The following ZNF407 variants were observed in gnomAD, a reference collection of about 807,000 sequenced individuals.
ZNF407 encodes zinc finger protein 407.
Under a neutral mutation model 131.2 loss-of-function variants are expected in ZNF407, and 17 were observed. The observed-to-expected ratio is 0.13, with a 90% CI of 0.09 to 0.19. ZNF407 has a LOEUF of 0.19. Among genes scored for constraint, ZNF407 ranks in the 10% least tolerant of loss-of-function variants. The probability of loss-of-function intolerance (pLI) is 1.00; values close to 1 mark genes in which losing one functional copy is unlikely to be tolerated. For missense variants in ZNF407, 2,681 were observed against 2,830.6 expected (o/e 0.95, Z 1.20); for synonymous variants, 1,156 against 1,062.0 (o/e 1.09, Z -1.72).
chr18:74,741,717 G>GAT (rs1179689773), intron 3 of ZNF407, among the ~76,000 whole-genome samples: 1 of 152,098 alleles, frequency 6.6e-6, no homozygotes, highest in Non-Finnish European at 1.5e-5. Flanking sequence ...TTGGTTGTCA[G>GAT]ATATACATAC....
chr18:74,700,868 T>A (rs1967476417), intron 3 of ZNF407, among the ~76,000 whole-genome samples: 1 of 152,234 alleles, frequency 6.6e-6, no homozygotes, highest in Non-Finnish European at 1.5e-5. Flanking sequence ...GCGTATTTAT[T>A]AGTATTCCGG....
intron 4 of ZNF407, among the ~76,000 whole-genome samples, chr18:74,867,421 A>G (rs546322425): frequency 2.6e-5 from 4 of 152,352 alleles, no homozygotes; most frequent in South Asian, 4.1e-4. Context: ...GATGTGGACT[A>G]TAATGCAAAA....
intron 3 of ZNF407, among the ~76,000 whole-genome samples, chr18:74,767,400 C>G (rs1290622835): frequency 6.6e-6 from 1 of 152,038 alleles, no homozygotes; most frequent in Non-Finnish European, 1.5e-5. Flanking sequence ...TTTTCATATA[C>G]CTGCTGAATA....
rs550722986 is a variant in ZNF407, at chr18:74,606,606, C to T, written c.-54+8669C>T. 9.7e-4 allele frequency among the ~76,000 whole-genome samples: 147 copies of T among 152,224 alleles called. 1 individual carries two copies. The highest frequency in any genetic ancestry group is 3.4e-3 in the African/African-American group (142 of 41,540). On this transcript the variant is annotated intron_variant, in intron 1 of 8. Transcript: ENST00000299687. ...TGTTTTATTTCTTGTGATGTCATCA[C>T]ACATATTCTTTATGTGACGACACAG...
chr18:74,936,264 G>C (rs1972038845), intron 8 of ZNF407, among the ~76,000 whole-genome samples: 1 of 152,014 alleles, frequency 6.6e-6, no homozygotes, highest in Non-Finnish European at 1.5e-5. Context: ...TTATCTTCTA[G>C]GCATTAAGAT....
At chr18:74,672,580 CACTGTTTG>C (rs1986194379) in intron 3 of ZNF407, among the ~76,000 whole-genome samples, 1 of 150,850 alleles carries the variant, frequency 6.6e-6, no homozygotes, top group Non-Finnish European at 1.5e-5. Context: ...TTCATTGGAG[CACTGTTTG>C]TCTGTTTGTT....
Position 74,634,095 on chromosome 18 carries a change from G to GCTCACTCCT in ZNF407, c.3079_3087dup (p.His1027_Ser1029dup), listed in dbSNP as rs753842748. ...TAAGTGTTTGCACTGTGAGTTTAGT[G>GCTCACTCCT]CTCACTCCTCTGCTTCTCTAGAGCT... On this transcript the variant is annotated inframe_insertion, in exon 2 of 9. Coordinates refer to ENST00000299687, the MANE Select transcript of ZNF407 (RefSeq NM_017757.3). 6 of 1,614,030 alleles carry GCTCACTCCT rather than the reference G, an allele frequency of 3.7e-6. No homozygotes were observed. The South Asian group carries it at 6.6e-5, about 18-fold the overall frequency.
chr18:74,832,591 C>G (rs1006458360), intron 4 of ZNF407, among the ~76,000 whole-genome samples: 2 of 151,978 alleles, frequency 1.3e-5, no homozygotes, highest in African/African-American at 4.8e-5. Context: ...AGCCACCACA[C>G]CCACTTTAAG....
chr18:74,740,723 C>G (rs568517536), intron 3 of ZNF407, among the ~76,000 whole-genome samples: 4 of 152,184 alleles, frequency 2.6e-5, no homozygotes, highest in Admixed American at 2.0e-4. Context: ...AAGTATCTTC[C>G]CTTGTATGGA....
intron 7 of ZNF407, among the ~76,000 whole-genome samples, chr18:74,903,509 G>GT (rs1490298886): frequency 6.6e-6 from 1 of 150,950 alleles, no homozygotes; most frequent in Non-Finnish European, 1.5e-5. Context: ...TTGGAGGTTG[G>GT]TTAGGCTCCC....
intron 3 of ZNF407, among the ~76,000 whole-genome samples, chr18:74,661,069 T>G (rs1377485861): frequency 6.6e-6 from 1 of 152,150 alleles, no homozygotes; most frequent in Non-Finnish European, 1.5e-5. Flanking sequence ...CGATTTTCTT[T>G]GAGATAAGAG....
At chr18:74,849,095 TG>T (rs1204610164) in intron 4 of ZNF407, among the ~76,000 whole-genome samples, 2 of 150,850 alleles carry the variant, frequency 1.3e-5, no homozygotes, top group African/African-American at 4.9e-5. Flanking sequence ...CTGTTGTTGT[TG>T]AGACGGGGTT....
At chr18:74,883,558 G>C (rs1971267341) in intron 6 of ZNF407, among the ~76,000 whole-genome samples, 1 of 152,182 alleles carries the variant, frequency 6.6e-6, no homozygotes, top group Non-Finnish European at 1.5e-5. Context: ...TCCATTCTAA[G>C]ATTTACTTTT....
chr18:75,036,648 C>T (rs1218856558), intron 8 of ZNF407, among the ~76,000 whole-genome samples: 6 of 152,166 alleles, frequency 3.9e-5, no homozygotes, highest in Non-Finnish European at 5.9e-5. Flanking sequence ...CTTAGGCATG[C>T]AATGTACAAA....
chr18:74,697,541 G>C (rs1260234920), intron 3 of ZNF407, among the ~76,000 whole-genome samples: 1 of 151,614 alleles, frequency 6.6e-6, no homozygotes, highest in African/African-American at 2.4e-5. Flanking sequence ...TCGTTTTATA[G>C]AATATAAACG....
chr18:75,027,972 A>G (rs2120144), intron 8 of ZNF407, among the ~76,000 whole-genome samples: 104,489 of 152,134 alleles, frequency 0.69, 38,227 homozygotes, highest in Non-Finnish European at 0.81. Flanking sequence ...GGCAATGGTA[A>G]TGTGAGCACA....
chr18:74,637,950 A>G (rs539303505), intron 2 of ZNF407, among the ~76,000 whole-genome samples: 42 of 152,364 alleles, frequency 2.8e-4, no homozygotes, highest in Non-Finnish European at 5.4e-4. Context: ...GAAGTAATCA[A>G]CATGACCAGA....
intron 3 of ZNF407, among the ~76,000 whole-genome samples, chr18:74,752,505 T>G (rs1400342341): frequency 6.6e-6 from 1 of 152,232 alleles, no homozygotes; most frequent in Non-Finnish European, 1.5e-5. Flanking sequence ...TTTATGGTTT[T>G]AGGTCTAACA....
intron 8 of ZNF407, among the ~76,000 whole-genome samples, chr18:74,984,853 C>G (rs1034152669): frequency 1.4e-5 from 2 of 145,084 alleles, no homozygotes; most frequent in African/African-American, 2.9e-5. Flanking sequence ...CTGGACTTCT[C>G]TAGTCCACTC....
Sources: allele counts gnomAD v4.1 joint callset (sites outside exome capture counted in the v4.1 genomes callset), GRCh38; gene constraint gnomAD v4.1.1; transcripts MANE v1.5; gene names NCBI Gene and HGNC (gene_info 2026-07-23, HGNC 2026-07-21).